Variants in XPO1 observed in about 807,000 individuals in gnomAD.
The protein encoded by XPO1 is exportin 1.
In XPO1, 5 loss-of-function variants were observed where a neutral mutation model predicts 133.3. That is an observed-to-expected ratio of 0.04 (90% CI 0.02 to 0.08). The LOEUF (loss-of-function observed/expected upper bound fraction) is 0.08, where lower values mean the gene tolerates loss of function less well. Among genes scored for constraint, XPO1 ranks in the 10% least tolerant of loss-of-function variants. The probability of loss-of-function intolerance (pLI) is 1.00; values close to 1 mark genes in which losing one functional copy is unlikely to be tolerated. For missense variants in XPO1, 506 were observed against 1,267.5 expected (o/e 0.40, Z 9.12); for synonymous variants, 419 against 408.2 (o/e 1.03, Z -0.32).
chr2:61,522,784 T>C, intron 3 of XPO1, 101 bp from the exon 4 acceptor site: 1 of 827,330 alleles, frequency 1.2e-6, no homozygotes, highest in East Asian at 2.6e-5. Flanking sequence ...ACATCTAAAG[T>C]TTCAAAAACA....
At chr2:61,485,478 C>CCCT (rs200247608) in intron 20 of XPO1, 1 of 161,732 alleles carries the variant, frequency 6.2e-6, no homozygotes, top group East Asian at 1.7e-4. Flanking sequence ...AAGTGACCCC[C>CCCT]CCCCCCACTT....
chr2:61,493,381 T>G (rs1413179991), intron 12 of XPO1: 2 of 203,714 alleles, frequency 9.8e-6, no homozygotes, highest in Non-Finnish European at 2.0e-5. Flanking sequence ...TGGTGGTGTG[T>G]GCCTGCAACC....
chr2:61,501,875 A>T, intron 6 of XPO1, 121 bp downstream of exon 6: 1 of 743,548 alleles, frequency 1.3e-6, no homozygotes, highest in East Asian at 2.7e-5. Flanking sequence ...ACCTATTATT[A>T]TAAGAATACT....
At chr2:61,494,981 A>G (rs1697174065) in intron 11 of XPO1, among the ~76,000 whole-genome samples, 1 of 151,716 alleles carries the variant, frequency 6.6e-6, no homozygotes, top group South Asian at 2.1e-4. Context: ...AGCTGGGATT[A>G]CAGTCATGTG....
chr2:61,490,142 G>C (rs1167379836), intron 17 of XPO1, among the ~76,000 whole-genome samples: 1 of 151,532 alleles, frequency 6.6e-6, no homozygotes, highest in African/African-American at 2.4e-5. Context: ...ACCCGTCTCG[G>C]TCTCCCAAAG....
At chr2:61,501,721 C>CAAAAA (rs34659499) in intron 6 of XPO1, among the ~76,000 whole-genome samples, 5 of 111,398 alleles carry the variant, frequency 4.5e-5, no homozygotes, top group East Asian at 5.1e-4. Context: ...AGACTGTCTC[C>CAAAAA]AAAAAAAAAA....
At chr2:61,503,959 C>T (rs1392333625) in intron 4 of XPO1, among the ~76,000 whole-genome samples, 3 of 152,258 alleles carry the variant, frequency 2.0e-5, no homozygotes, top group East Asian at 1.9e-4. Context: ...GCCGGTGGAT[C>T]GCTTGAGGCC....
intron 4 of XPO1, among the ~76,000 whole-genome samples, chr2:61,518,004 T>C (rs6706139): frequency 0.41 from 61,542 of 151,778 alleles, 13,535 homozygotes; most frequent in East Asian, 0.63. Context: ...GTGGTGTGCA[T>C]CTGTAATCCC....
chr2:61,510,541 G>A (rs527569868), intron 4 of XPO1, among the ~76,000 whole-genome samples: 29 of 152,208 alleles, frequency 1.9e-4, no homozygotes, highest in African/African-American at 6.0e-4. Context: ...ATGCACATCC[G>A]CCATTCTTAA....
chr2:61,508,319 A>T lies in XPO1; in HGVS notation c.302-6009T>A, dbSNP rs966350541. 7.4e-4 allele frequency among the ~76,000 whole-genome samples: 113 copies of T among 152,226 alleles called. 3 individuals carry two copies. The highest frequency in any genetic ancestry group is 2.9e-4 in the Non-Finnish European group (20 of 68,046). On this transcript the variant is annotated intron_variant, in intron 4 of 24. Coordinates refer to ENST00000401558, the MANE Select transcript of XPO1 (RefSeq NM_003400.4). ...CAAAATATAATACACACCCGTAGAAATGCCTAACCACTTACTGAAAGGCAG... is the reference window on the plus strand; with the variant it reads ...CAAAATATAATACACACCCGTAGAATTGCCTAACCACTTACTGAAAGGCAG...
At chr2:61,486,051 A>T (rs957197148) in intron 19 of XPO1, 89 bp from the exon 20 acceptor site, 2 of 1,211,818 alleles carry the variant, frequency 1.7e-6, no homozygotes, top group African/African-American at 3.2e-5. Context: ...TATGAGATGT[A>T]GCATGATCAT....
At chr2:61,516,896 T>A (rs1285897143) in intron 4 of XPO1, among the ~76,000 whole-genome samples, 1 of 152,032 alleles carries the variant, frequency 6.6e-6, no homozygotes, top group Non-Finnish European at 1.5e-5. Flanking sequence ...ATGCCATTTT[T>A]AATTAATTAA....
At chr2:61,501,743 G>GA (rs1697536672) in intron 6 of XPO1, among the ~76,000 whole-genome samples, 1 of 114,174 alleles carries the variant, frequency 8.8e-6, no homozygotes. Context: ...AAAAAGAAAA[G>GA]AAAAGATAAA....
chr2:61,520,221 T>C (rs1298132540), intron 4 of XPO1, among the ~76,000 whole-genome samples: 2 of 152,172 alleles, frequency 1.3e-5, no homozygotes, highest in Non-Finnish European at 2.9e-5. Context: ...AAATAAAATG[T>C]TTTAAATTAA....
chr2:61,478,803 C>G lies in XPO1; in HGVS notation c.*17G>C. ...GCTAACGAGTTGCAGAGAAAAAAAA[C>G]AGCATGAATTTGGATTTTAATCACA... On this transcript the variant is annotated 3_prime_UTR_variant, in exon 25 of 25. Coordinates refer to ENST00000401558, the MANE Select transcript of XPO1 (RefSeq NM_003400.4). The G allele has an allele frequency of 1.2e-6, 2 of 1,609,926 alleles. No homozygotes were observed. Among genetic ancestry groups the G allele is most frequent in the Non-Finnish European group, 1.7e-6 (2 of 1,178,290 alleles).
At chr2:61,527,544 A>C (rs1474130818) in intron 2 of XPO1, among the ~76,000 whole-genome samples, 1 of 152,150 alleles carries the variant, frequency 6.6e-6, no homozygotes, top group Non-Finnish European at 1.5e-5. Flanking sequence ...GTAGCAGGAC[A>C]CTCTGCTTTA....
intron 16 of XPO1, among the ~76,000 whole-genome samples, 174 bp downstream of exon 16, chr2:61,491,861 C>G (rs1697016640): frequency 6.6e-6 from 1 of 152,218 alleles, no homozygotes; most frequent in Non-Finnish European, 1.5e-5. Context: ...AATTGTGCCA[C>G]TGCACTCAAG....
At chr2:61,523,613 C>T (rs1439204466) in intron 3 of XPO1, among the ~76,000 whole-genome samples, 1 of 152,142 alleles carries the variant, frequency 6.6e-6, no homozygotes, top group African/African-American at 2.4e-5. Context: ...GAAAGGTAAG[C>T]TCATTCATAT....
intron 4 of XPO1, among the ~76,000 whole-genome samples, chr2:61,511,278 C>A (rs1166878224): frequency 2.6e-5 from 4 of 152,116 alleles, no homozygotes; most frequent in Non-Finnish European, 5.9e-5. Flanking sequence ...AATGCGCCAC[C>A]ACGCCCAGCT....
Sources: allele counts gnomAD v4.1 joint callset (sites outside exome capture counted in the v4.1 genomes callset), GRCh38; gene constraint gnomAD v4.1.1; transcripts MANE v1.5; gene names NCBI Gene and HGNC (gene_info 2026-07-23, HGNC 2026-07-21).